The following CHD9 variants were observed in gnomAD, a reference collection of about 807,000 sequenced individuals.
CHD9 encodes the protein ATP-dependent chromatin remodeler CHD9.
Under a neutral mutation model 316.1 loss-of-function variants are expected in CHD9, and 77 were observed. That is an observed-to-expected ratio of 0.24 (90% CI 0.20 to 0.29). The LOEUF (loss-of-function observed/expected upper bound fraction) is 0.29, where lower values mean the gene tolerates loss of function less well. CHD9 is among the 10% of genes least tolerant of loss of function. CHD9 has a pLI of 1.00. For synonymous variants in CHD9, 1,129 were observed against 1,158.3 expected (o/e 0.97, Z 0.51); for missense variants, 2,763 against 3,438.1 (o/e 0.80, Z 4.91).
chr16:53,279,600 T>G (rs147738005), intron 24 of CHD9, among the ~76,000 whole-genome samples: 2,111 of 152,218 alleles, frequency 0.014, 29 homozygotes, highest in Non-Finnish European at 0.017. Context: ...AAAACCCTTC[T>G]AGACATTGGC....
intron 2 of CHD9, among the ~76,000 whole-genome samples, chr16:53,202,551 ATCCCCATTTTGCTGATTACATCTGG>A: frequency 6.6e-6 from 1 of 152,194 alleles, no homozygotes; most frequent in Non-Finnish European, 1.5e-5. Flanking sequence ...TACTGATTAC[ATCCCCATTTTGCTGATTACATCTGG>A]ATTTTGTTGA....
intron 17 of CHD9, among the ~76,000 whole-genome samples, chr16:53,254,062 A>C (rs1466277447): frequency 1.3e-5 from 2 of 152,132 alleles, no homozygotes; most frequent in Non-Finnish European, 2.9e-5. Context: ...TTGTAATCCC[A>C]GCTACTCAGG....
chr16:53,187,235 C>T (rs1426559556), intron 2 of CHD9, among the ~76,000 whole-genome samples: 1 of 152,106 alleles, frequency 6.6e-6, no homozygotes, highest in African/African-American at 2.4e-5. Flanking sequence ...AAGCCAGGTG[C>T]AGTCACTCAT....
intron 1 of CHD9, chr16:53,130,952 G>A (rs1213137043): frequency 6.6e-6 from 1 of 152,368 alleles, no homozygotes; most frequent in African/African-American, 2.4e-5. Context: ...GAGTGAACTG[G>A]GCCAATCAGG....
chr16:53,319,111 C>A (rs1025112909), intron 37 of CHD9, among the ~76,000 whole-genome samples: 1 of 152,136 alleles, frequency 6.6e-6, no homozygotes, highest in Non-Finnish European at 1.5e-5. Flanking sequence ...TTTTACCTCA[C>A]AAAATAAACA....
intron 3 of CHD9, among the ~76,000 whole-genome samples, chr16:53,213,703 A>G (rs1441023559): frequency 1.3e-5 from 2 of 152,208 alleles, no homozygotes; most frequent in East Asian, 1.9e-4. Context: ...GGGATTTCAC[A>G]TGATTCGATA....
Position 53,249,013 on chromosome 16 carries a change from G to A in CHD9, c.3666-858G>A, listed in dbSNP as rs1336705089. Among the ~76,000 whole-genome samples the A allele has an allele frequency of 4.0e-5, 6 of 151,660 alleles. No individual in the cohort carries two copies. The East Asian group carries it at 5.8e-4, about 15-fold the overall frequency. ...TTCTCAATTTTATATCATGTGATAC[G>A]AACATTAAGTTGCACTGTTCCCAAA... On this transcript the variant is annotated intron_variant, in intron 16 of 38. Transcript: ENST00000447540.
intron 30 of CHD9, chr16:53,298,715 T>C (rs890452236): frequency 6.5e-6 from 1 of 153,102 alleles, no homozygotes; most frequent in African/African-American, 2.4e-5. Context: ...TGACTACACA[T>C]GGACTGAGTT....
chr16:53,270,112 C>T (rs2052092650), intron 22 of CHD9, among the ~76,000 whole-genome samples: 3 of 151,716 alleles, frequency 2.0e-5, no homozygotes, highest in African/African-American at 4.8e-5. Context: ...TCAAGTGATC[C>T]TCCTCCCCTA....
intron 3 of CHD9, among the ~76,000 whole-genome samples, chr16:53,213,453 ATT>A (rs1471621514): frequency 6.6e-6 from 1 of 152,210 alleles, no homozygotes; most frequent in East Asian, 1.9e-4. Context: ...AATGGGATGA[ATT>A]TTATGGGATG....
chr16:53,241,900 T>C (rs2049132982), intron 12 of CHD9, among the ~76,000 whole-genome samples: 1 of 152,200 alleles, frequency 6.6e-6, no homozygotes, highest in Non-Finnish European at 1.5e-5. Context: ...ATCCCTTCAA[T>C]AGTGTCTTGC....
At chr16:53,230,834 G>A (rs777192699) in intron 8 of CHD9, among the ~76,000 whole-genome samples, 3 of 152,112 alleles carry the variant, frequency 2.0e-5, no homozygotes, top group Non-Finnish European at 4.4e-5. Flanking sequence ...TGACTTACTC[G>A]ATGTAGAGGG....
At chr16:53,105,714 C>A (rs1038024964) in intron 1 of CHD9, among the ~76,000 whole-genome samples, 1 of 152,090 alleles carries the variant, frequency 6.6e-6, no homozygotes, top group African/African-American at 2.4e-5. Context: ...AGAGTCATTC[C>A]TTGTCTCTAC....
Position 53,304,524 on chromosome 16 carries a change from C to T in CHD9, c.6518C>T (p.Ser2173Leu). Residue 2173 changes from serine to leucine, a missense_variant, in exon 31 of 39, where the codon TCA becomes TTA. Coordinates refer to ENST00000447540, the MANE Select transcript of CHD9 (RefSeq NM_001308319.2). ...TCTTCTTCATCTTCATCTTGTTCTTCAGCATCTTCTTCATCCTCTTCCTCC... is the reference window on the plus strand; with the variant it reads ...TCTTCTTCATCTTCATCTTGTTCTTTAGCATCTTCTTCATCCTCTTCCTCC... Reference protein sequence around the residue: ...SSSSSSSSCSSASSSSSSSTS... With the variant: ...SSSSSSSSCSLASSSSSSSTS... 4.5e-6 allele frequency: 7 copies of T among 1,549,114 alleles called. No individual in the cohort carries two copies. The highest frequency in any genetic ancestry group is 6.1e-6 in the Non-Finnish European group (7 of 1,144,328).
In CHD9 at chr16:53,306,251, A is replaced by T; in HGVS notation, c.6634A>T (p.Met2212Leu). 1 of 1,570,994 alleles carries T rather than the reference A, an allele frequency of 6.4e-7. No individual in the cohort carries two copies. The highest frequency in any genetic ancestry group is 8.6e-7 in the Non-Finnish European group (1 of 1,163,310). Residue 2212 changes from methionine to leucine, a missense_variant, in exon 32 of 39, where the codon ATG becomes TTG. Met to Leu is a conservative substitution (Grantham distance 15). Around this residue, in one of 15 missense-constraint regions of CHD9, gnomAD observed 663 missense variants for 751.2 expected, o/e 0.88. Coordinates refer to ENST00000447540, the MANE Select transcript of CHD9 (RefSeq NM_001308319.2). ...GTTTTTAGCAGAAAGTACTACTCAC[A>T]TGAAAGCCTATGATGAAGAAAGCGT... The part of the protein sequence containing the change: ...EAQKRESTTH[M>L]KAYDEESVAS...
At chr16:53,223,074 A>G (rs1349427898) in intron 4 of CHD9, among the ~76,000 whole-genome samples, 1 of 152,208 alleles carries the variant, frequency 6.6e-6, no homozygotes, top group African/African-American at 2.4e-5. Flanking sequence ...GTGCTTATAG[A>G]GTTCTTTTGA....
rs138448097 is a variant in CHD9, at chr16:53,217,912, TTTTCTTTCTTTCTTTCTTTCTTTC to T, written c.1785-4708_1785-4685del. Among the ~76,000 whole-genome samples, 1,139 of 144,286 alleles carry T rather than the reference TTTTCTTTCTTTCTTTCTTTCTTTC, an allele frequency of 7.9e-3. 16 individuals carry two copies. Among genetic ancestry groups the T allele is most frequent in the Middle Eastern group, 0.024 (7 of 290 alleles). The allele number at this position is 144,286 out of a possible 152,430, so 94.7% of individuals were successfully genotyped here. A position where few individuals can be genotyped will look rare whatever the true frequency, so the allele number is the denominator to read the frequency against. ...ATACCACTGCGCCTGGCTTATACTC[TTTTCTTTCTTTCTTTCTTTCTTTC>T]TTTCTTTCTTTCTTTCTTTCTTTTT... On this transcript the variant is annotated intron_variant, in intron 3 of 38. Coordinates refer to ENST00000447540, the MANE Select transcript of CHD9 (RefSeq NM_001308319.2).
chr16:53,092,576 A>C (rs919670410), intron 1 of CHD9, among the ~76,000 whole-genome samples: 3 of 151,938 alleles, frequency 2.0e-5, no homozygotes, highest in Non-Finnish European at 4.4e-5. Context: ...AACAGTCAAC[A>C]TTCATCTTAA....
At chr16:53,176,760 A>G (rs1023103202) in intron 2 of CHD9, among the ~76,000 whole-genome samples, 6 of 152,212 alleles carry the variant, frequency 3.9e-5, no homozygotes, top group East Asian at 1.9e-4. Context: ...AGATTTCCCA[A>G]TAATGCATAT....
Sources: gnomAD v4.1 joint callset for allele counts (sites outside exome capture counted in the v4.1 genomes callset) on GRCh38, gnomAD v4.1.1 for gene constraint, gnomAD v4.1.1 regional missense constraint, MANE v1.5 for transcripts, NCBI Gene and HGNC (gene_info 2026-07-23, HGNC 2026-07-21) for gene names.